Variants in CCNI2 observed in about 807,000 individuals in gnomAD.
CCNI2 encodes cyclin-I2.
Under a neutral mutation model 33.2 loss-of-function variants are expected in CCNI2, and 32 were observed. That is an observed-to-expected ratio of 0.96 (90% CI 0.73 to 1.30). The LOEUF (loss-of-function observed/expected upper bound fraction) is 1.30, where lower values mean the gene tolerates loss of function less well. Ranked by LOEUF, CCNI2 falls within the 50% of genes most tolerant of loss-of-function variation. The pLI, the probability that CCNI2 is intolerant of heterozygous loss-of-function variation, is 0.00. For synonymous variants in CCNI2, 231 were observed against 219.9 expected (o/e 1.05, Z -0.45); for missense variants, 452 against 486.2 (o/e 0.93, Z 0.66).
chr5:132,750,944 G>C lies in CCNI2; in HGVS notation c.721G>C (p.Asp241His). The change falls in exon 4 of 6, where the codon GAC (aspartate) becomes CAC (histidine). Residue 241 changes from aspartate (D) to histidine (H), a missense_variant. Asp to His is a moderately conservative substitution (Grantham distance 81). Coordinates refer to ENST00000378731, the MANE Select transcript of CCNI2 (RefSeq NM_001039780.4). ...GCTGAGGATGGAGCTGGCTATTCTG[G>C]ACAGACTGCACTGGGACCTCTATAT... is the stretch of plus-strand genomic sequence containing the variant. ...ELLRMELAIL[D>H]RLHWDLYIGT... 6.2e-7 allele frequency: 1 copy of C among 1,614,250 alleles called. No individual in the cohort carries two copies. The highest frequency in any genetic ancestry group is 8.5e-7 in the Non-Finnish European group (1 of 1,180,044).
At chr5:132,755,884 T>A (rs1480507176), downstream of CCNI2, 2 of 815,988 alleles carry the variant, frequency 2.5e-6, no homozygotes, top group Non-Finnish European at 2.9e-6. Context: ...CAGAAGTAGA[T>A]CAACCTCCAC....
At chr5:132,748,238 C>G in intron 1 of CCNI2, 109 bp from the exon 2 acceptor site, 1 of 1,459,588 alleles carries the variant, frequency 6.9e-7, no homozygotes, top group Non-Finnish European at 9.2e-7. Context: ...GAGGAAGGGA[C>G]TTCTCACTGC....
intron 5 of CCNI2, 94 bp downstream of exon 5, chr5:132,752,290 C>G: frequency 7.3e-7 from 1 of 1,373,116 alleles, no homozygotes. Context: ...CCCTTGTAGC[C>G]TCTGGAAAAT....
rs138375376 is a variant in CCNI2, at chr5:132,750,988, C to G, written c.765C>G (p.Phe255Leu). Reference sequence around the variant, plus strand: ...TCTATATTGGGACGCCGCTGGACTTCTTGACTATAGTGAGTAAGGAGGTGT... The same window carrying G: ...TCTATATTGGGACGCCGCTGGACTTGTTGACTATAGTGAGTAAGGAGGTGT... ...WDLYIGTPLD[F>L]LTIFHALVVL... The change falls in exon 4 of 6, where the codon TTC (phenylalanine) becomes TTG (leucine). Residue 255 changes from phenylalanine to leucine, a missense_variant. Transcript: ENST00000378731. The G allele has an allele frequency of 1.1e-5, 18 of 1,613,686 alleles. No individual in the cohort carries two copies. The highest frequency in any genetic ancestry group is 1.5e-5 in the Non-Finnish European group (18 of 1,179,946).
At chr5:132,749,007 G>A (rs907882201) in intron 2 of CCNI2, among the ~76,000 whole-genome samples, 2 of 152,224 alleles carry the variant, frequency 1.3e-5, no homozygotes, top group African/African-American at 2.4e-5. Flanking sequence ...TGTAATCCCA[G>A]CAATTTGGGA....
chr5:132,750,607 G>A (rs1754768470), intron 3 of CCNI2, among the ~76,000 whole-genome samples: 1 of 152,236 alleles, frequency 6.6e-6, no homozygotes, highest in African/African-American at 2.4e-5. Flanking sequence ...CTTTGGGTAT[G>A]AGCTAGCATG....
In CCNI2 at chr5:132,747,765, C is replaced by T; in HGVS notation, c.270C>T (p.Asp90=). ...CGGCGCCAGCCGGGAAAACCGCAGA[C>T]GCGGTCCCCGCCGCCGCCCCAGAGC... ...RGTAPAGKTA[D]AVPAAAPEQA... is the part of the protein sequence containing the mutation. The change falls in exon 1 of 6, where the codon GAC becomes GAT. Residue 90 remains aspartate, a synonymous_variant. Coordinates refer to ENST00000378731, the MANE Select transcript of CCNI2 (RefSeq NM_001039780.4). This position sits in a 1 kb window ranked among gnomAD's most constrained non-coding sequence, Gnocchi z 4.1. The T allele has an allele frequency of 1.4e-6, 2 of 1,470,040 alleles. No individual in the cohort carries two copies. Among genetic ancestry groups the T allele is most frequent in the Non-Finnish European group, 8.9e-7 (1 of 1,118,414 alleles). The allele number at this position is 1,470,040 out of a possible 1,614,324, so 91.1% of individuals were successfully genotyped here. A position where few individuals can be genotyped will look rare whatever the true frequency, so the allele number is the denominator to read the frequency against.
chr5:132,752,102 G>A lies in CCNI2; in HGVS notation c.911G>A (p.Gly304Asp). Residue 304 changes from glycine to aspartate, a missense_variant, in exon 5 of 6, where the codon GGC (glycine) becomes GAC (aspartate). Gly to Asp is a moderately conservative substitution (Grantham distance 94). Coordinates refer to ENST00000378731, the MANE Select transcript of CCNI2 (RefSeq NM_001039780.4). ...MAGHQLLQFKGSTLALVIITL... is the reference protein window; with the variant it reads ...MAGHQLLQFKDSTLALVIITL... ...GGCCACCAGCTGCTGCAGTTCAAGGGCTCCACACTGGCCTTGGTCATCATC... is the reference window on the plus strand; with the variant it reads ...GGCCACCAGCTGCTGCAGTTCAAGGACTCCACACTGGCCTTGGTCATCATC... 2 of 1,600,230 alleles carry A rather than the reference G, an allele frequency of 1.2e-6. No homozygotes were observed. Among genetic ancestry groups the A allele is most frequent in the Non-Finnish European group, 1.7e-6 (2 of 1,173,244 alleles).
chr5:132,751,104 C>G (rs1426366448), intron 4 of CCNI2, 107 bp downstream of exon 4: 5 of 1,290,642 alleles, frequency 3.9e-6, no homozygotes, highest in Non-Finnish European at 5.4e-6. Context: ...CGCCCTTGCA[C>G]ATGCACCACA....
chr5:132,752,866 G>C lies in CCNI2; in HGVS notation c.1006G>C (p.Val336Leu). ...PISDLLKKAQ[V>L]GDMQYSCCKE... ...AGATGGCCACTCTATTCTAATACAGGTTGGTGATATGCAGTACAGCTGCTG... is the reference window on the plus strand; with the variant it reads ...AGATGGCCACTCTATTCTAATACAGCTTGGTGATATGCAGTACAGCTGCTG... The change falls in exon 6 of 6, where the codon GTT becomes CTT. Residue 336 changes from valine (V) to leucine (L), a missense_variant and splice_region_variant. Transcript: ENST00000378731. 1.9e-6 allele frequency: 3 copies of C among 1,613,178 alleles called. No individual in the cohort carries two copies. The highest frequency in any genetic ancestry group is 2.5e-6 in the Non-Finnish European group (3 of 1,179,272).
downstream of CCNI2, among the ~76,000 whole-genome samples, chr5:132,755,071 G>A (rs1308835802): frequency 6.6e-6 from 1 of 152,100 alleles, no homozygotes; most frequent in African/African-American, 2.4e-5. Context: ...TTCCTGGAGA[G>A]TCTCTGTCCT....
At chr5:132,751,111 C>A in intron 4 of CCNI2, 114 bp downstream of exon 4, 2 of 1,202,728 alleles carry the variant, frequency 1.7e-6, no homozygotes, top group Non-Finnish European at 1.2e-6. Flanking sequence ...GCACATGCAC[C>A]ACAGTGAGGT....
chr5:132,755,977 A>C, downstream of CCNI2: 2 of 985,322 alleles, frequency 2.0e-6, no homozygotes, highest in Non-Finnish European at 2.4e-6. Context: ...CAGAAAAGCT[A>C]CTGCCCAAAA....
chr5:132,748,278 C>T (rs1349328980), intron 1 of CCNI2, 69 bp from the exon 2 acceptor site: 19 of 1,587,536 alleles, frequency 1.2e-5, no homozygotes, highest in Admixed American at 1.7e-5. Flanking sequence ...GCAGGAGGCT[C>T]CTGCTGCTGG....
In CCNI2 at chr5:132,747,753, G is replaced by A; in HGVS notation, c.258G>A (p.Gly86=). The part of the protein sequence containing the change: ...VRPRRGTAPA[G]KTADAVPAAA... ...CCCGGCGCGGTACGGCGCCAGCCGGGAAAACCGCAGACGCGGTCCCCGCCG... is the reference window on the plus strand; with the variant it reads ...CCCGGCGCGGTACGGCGCCAGCCGGAAAAACCGCAGACGCGGTCCCCGCCG... The change falls in exon 1 of 6, where the codon GGG becomes GGA. Residue 86 remains glycine (G), a synonymous_variant. Coordinates refer to ENST00000378731, the MANE Select transcript of CCNI2 (RefSeq NM_001039780.4). The surrounding 1 kb of genome is among the most constrained non-coding windows in gnomAD (Gnocchi z 4.1). 8 of 1,469,712 alleles carry A rather than the reference G, an allele frequency of 5.4e-6. No homozygotes were observed. Among genetic ancestry groups the A allele is most frequent in the Middle Eastern group, 2.4e-4 (1 of 4,224 alleles). The allele number at this position is 1,469,712 out of a possible 1,614,324, so 91.0% of individuals were successfully genotyped here.
In CCNI2 at chr5:132,747,525, G is replaced by A. The variant is rs772146159; in HGVS notation, c.30G>A (p.Gln10=). 1 of 1,501,340 alleles carries A rather than the reference G, an allele frequency of 6.7e-7. No individual in the cohort carries two copies. Among genetic ancestry groups the A allele is most frequent in the South Asian group, 1.3e-5 (1 of 79,932 alleles). 93.0% of individuals were successfully genotyped at this position (1,501,340 alleles called of 1,614,324 possible). A position where few individuals can be genotyped will look rare whatever the true frequency, so the allele number is the denominator to read the frequency against. Reference sequence around the variant, plus strand: ...CCTCGGGCGCTCAGCTCCCGCCGCAGCCGTCGAGCTCAGAGGTCAGCGCCG... The same window carrying A: ...CCTCGGGCGCTCAGCTCCCGCCGCAACCGTCGAGCTCAGAGGTCAGCGCCG... The part of the protein sequence containing the change: MASGAQLPP[Q]PSSSEVSAVQ... The change falls in exon 1 of 6, where the codon CAG becomes CAA. Residue 10 remains glutamine (Q), a synonymous_variant. Transcript: ENST00000378731. The surrounding 1 kb of genome is among the most constrained non-coding windows in gnomAD (Gnocchi z 4.1).
At position 132,749,231 on chromosome 5, in the gene CCNI2, G is replaced by A. The variant is rs13360605; in HGVS notation, c.559-117G>A. ...AGATCATGCCACTGCACTCCAGCCT[G>A]GGCAACAGAGTGAGACTCCATGTCA... On this transcript the variant is annotated intron_variant, in intron 2 of 5. Transcript: ENST00000378731. 22,320 of 784,820 alleles carry A rather than the reference G, an allele frequency of 0.028. 3,164 individuals carry two copies. In the African/African-American group the frequency reaches 0.33, roughly 11 times the overall value. 48.6% of individuals were successfully genotyped at this position (784,820 alleles called of 1,614,324 possible). A position where few individuals can be genotyped will look rare whatever the true frequency, so the allele number is the denominator to read the frequency against.
chr5:132,754,537 G>C (rs767972564), downstream of CCNI2: 49 of 717,314 alleles, frequency 6.8e-5, 1 homozygote, highest in South Asian at 1.5e-4. Context: ...GAAAGCAGAG[G>C]GTAGACATGT....
At chr5:132,751,821 C>G (rs1444216248) in intron 4 of CCNI2, 145 bp from the exon 5 acceptor site, 2 of 990,260 alleles carry the variant, frequency 2.0e-6, no homozygotes, top group African/African-American at 3.2e-5. Context: ...GCCTCAAGCC[C>G]CTTACGGAGC....
Sources: gnomAD v4.1 joint callset for allele counts (sites outside exome capture counted in the v4.1 genomes callset) on GRCh38, gnomAD v4.1.1 for gene constraint, Gnocchi (gnomAD v3.1) non-coding constraint, MANE v1.5 for transcripts, NCBI Gene and HGNC (gene_info 2026-07-23, HGNC 2026-07-21) for gene names.